The following SYT10 variants were observed in gnomAD, a reference collection of about 807,000 sequenced individuals.
SYT10 encodes the protein synaptotagmin-10.
A neutral mutation model predicts 51.1 loss-of-function variants in SYT10; 31 were observed. The observed-to-expected ratio is 0.61, with a 90% confidence interval of 0.46 to 0.82. The LOEUF is 0.82. SYT10 is among the 40% of genes least tolerant of loss of function. The pLI is 0.00. For synonymous variants in SYT10, 233 were observed against 225.9 expected, an observed-to-expected ratio of 1.03 and a Z score of -0.28; for missense variants, 603 against 634.0, an observed-to-expected ratio of 0.95 and a Z score of 0.53.
chr12:33,400,909 C>A (rs1350935543), intron 3 of SYT10, among the ~76,000 whole-genome samples: 1 of 151,756 alleles, frequency 6.6e-6, no homozygotes, highest in Non-Finnish European at 1.5e-5. Flanking sequence ...GCTGTAATAC[C>A]AGCTAATTCA....
intron 2 of SYT10, among the ~76,000 whole-genome samples, chr12:33,418,673 C>A (rs1866475507): frequency 6.6e-6 from 1 of 152,240 alleles, no homozygotes; most frequent in Non-Finnish European, 1.5e-5. Flanking sequence ...CACTCACATG[C>A]CCCAGCTCAT....
intron 3 of SYT10, among the ~76,000 whole-genome samples, chr12:33,386,847 A>T (rs1866160650): frequency 6.6e-6 from 1 of 152,180 alleles, no homozygotes; most frequent in African/African-American, 2.4e-5. Flanking sequence ...TGAATACATT[A>T]TTTAATTAAT....
At chr12:33,429,371 A>G (rs1216407406) in intron 1 of SYT10, among the ~76,000 whole-genome samples, 1 of 152,230 alleles carries the variant, frequency 6.6e-6, no homozygotes, top group African/African-American at 2.4e-5. Flanking sequence ...GGGATATTTG[A>G]AGAGCATGAG....
chr12:33,376,088 G>A lies in SYT10; in HGVS notation c.*742C>T, dbSNP rs1866059284. On this transcript the variant is annotated 3_prime_UTR_variant, in exon 7 of 7. Coordinates refer to ENST00000228567, the MANE Select transcript of SYT10 (RefSeq NM_198992.4). ...GAATTTTAAAAATATCAGTTGAACA[G>A]TGCAACAGATATTTGAGCTAATGTT... 1 of 152,182 alleles carries A rather than the reference G, an allele frequency of 6.6e-6. No individual in the cohort carries two copies. Among genetic ancestry groups the A allele is most frequent in the Non-Finnish European group, 1.5e-5 (1 of 68,020 alleles). The allele number at this position is 152,182 out of a possible 1,614,324, so 9.4% of individuals were successfully genotyped here. A position where few individuals can be genotyped will look rare whatever the true frequency, so the allele number is the denominator to read the frequency against.
chr12:33,416,214 G>A (rs1346009732), intron 2 of SYT10, among the ~76,000 whole-genome samples: 2 of 152,066 alleles, frequency 1.3e-5, no homozygotes, highest in South Asian at 2.1e-4. Context: ...CCGAGTAGCT[G>A]GGATAACAGG....
At chr12:33,432,979 T>C (rs1866609117) in intron 1 of SYT10, 1 of 152,164 alleles carries the variant, frequency 6.6e-6, no homozygotes, top group African/African-American at 2.4e-5. Flanking sequence ...TAAGAGCTTC[T>C]ACTTTTTTTC....
chr12:33,426,509 A>T lies in SYT10; in HGVS notation c.152-14T>A. 1 of 1,529,918 alleles carries T rather than the reference A, an allele frequency of 6.5e-7. No individual in the cohort carries two copies. Among genetic ancestry groups the T allele is most frequent in the Non-Finnish European group, 8.8e-7 (1 of 1,139,410 alleles). The allele number at this position is 1,529,918 out of a possible 1,614,324, so 94.8% of individuals were successfully genotyped here. A position where few individuals can be genotyped will look rare whatever the true frequency, so the allele number is the denominator to read the frequency against. ...TGACTGAAATATCTGGAAAAATTACAATGTAAAAATGATTAATTAATATTG... is the reference window on the plus strand; with the variant it reads ...TGACTGAAATATCTGGAAAAATTACTATGTAAAAATGATTAATTAATATTG... On this transcript the variant is annotated splice_polypyrimidine_tract_variant and intron_variant, in intron 1 of 6. Transcript: ENST00000228567.
intron 3 of SYT10, among the ~76,000 whole-genome samples, chr12:33,401,337 T>C (rs931035589): frequency 2.0e-5 from 3 of 152,216 alleles, no homozygotes; most frequent in African/African-American, 4.8e-5. Context: ...GATTATTCCC[T>C]ATGCTGGAGA....
intron 2 of SYT10, chr12:33,408,062 G>A (rs1024201956): frequency 2.6e-5 from 4 of 152,204 alleles, no homozygotes; most frequent in African/African-American, 9.7e-5. Flanking sequence ...CTATCTAGAT[G>A]TAAGTATTAT....
chr12:33,439,724 C>G lies in SYT10; in HGVS notation c.-202G>C, dbSNP rs980629312. On this transcript the variant is annotated 5_prime_UTR_variant, in exon 1 of 7. Coordinates refer to ENST00000228567, the MANE Select transcript of SYT10 (RefSeq NM_198992.4). ...GCGGAGGGCGTAGGGGAAGGAGAGGCGCGCGAGGAGGCTGCGGCTGCCGCG... is the reference window on the plus strand; with the variant it reads ...GCGGAGGGCGTAGGGGAAGGAGAGGGGCGCGAGGAGGCTGCGGCTGCCGCG... 3 of 583,254 alleles carry G rather than the reference C, an allele frequency of 5.1e-6. No homozygotes were observed. Among genetic ancestry groups the G allele is most frequent in the South Asian group, 2.5e-5 (1 of 40,000 alleles). 36.1% of individuals were successfully genotyped at this position (583,254 alleles called of 1,614,324 possible).
chr12:33,433,883 T>G (rs1184878813), intron 1 of SYT10, among the ~76,000 whole-genome samples: 1 of 152,210 alleles, frequency 6.6e-6, no homozygotes, highest in Non-Finnish European at 1.5e-5. Context: ...CTACTCTTTG[T>G]TAAACCTAGG....
In SYT10 at chr12:33,392,939, G is replaced by T. The variant is rs1866221494; in HGVS notation, c.1078-7648C>A. Reference sequence around the variant, plus strand: ...CCATTTTCAGTTCCCTTCCAAATGGGAAATAACTACTAGTTTGGTGCAAAA... The same window carrying T: ...CCATTTTCAGTTCCCTTCCAAATGGTAAATAACTACTAGTTTGGTGCAAAA... On this transcript the variant is annotated intron_variant, in intron 3 of 6. Transcript: ENST00000228567. 4.4e-5 allele frequency among the ~76,000 whole-genome samples: 5 copies of T among 114,910 alleles called. No homozygotes were observed. The South Asian group carries it at 1.5e-3, about 34-fold the overall frequency. 75.4% of individuals were successfully genotyped at this position (114,910 alleles called of 152,430 possible). A position where few individuals can be genotyped will look rare whatever the true frequency, so the allele number is the denominator to read the frequency against.
chr12:33,378,506 G>C (rs1383316809), intron 6 of SYT10, among the ~76,000 whole-genome samples: 1 of 152,160 alleles, frequency 6.6e-6, no homozygotes, highest in African/African-American at 2.4e-5. Flanking sequence ...TGGAGACGTA[G>C]TGAACAGGCT....
At chr12:33,381,389 T>A (rs1182811594) in intron 5 of SYT10, among the ~76,000 whole-genome samples, 1 of 152,210 alleles carries the variant, frequency 6.6e-6, no homozygotes, top group Admixed American at 6.5e-5. Context: ...CGTGTGTTTG[T>A]GCGTTTTAGA....
In SYT10 at chr12:33,375,837, A is replaced by G. The variant is rs140119098; in HGVS notation, c.*993T>C. ...GGTTTAAGAGTCACCATTACTGTGTACAATCTAAACGGTGATGAACACAGA... is the reference window on the plus strand; with the variant it reads ...GGTTTAAGAGTCACCATTACTGTGTGCAATCTAAACGGTGATGAACACAGA... On this transcript the variant is annotated 3_prime_UTR_variant, in exon 7 of 7. Coordinates refer to ENST00000228567, the MANE Select transcript of SYT10 (RefSeq NM_198992.4). The G allele has an allele frequency of 4.3e-4, 65 of 152,750 alleles. No homozygotes were observed. The highest frequency in any genetic ancestry group is 1.5e-3 in the African/African-American group (63 of 41,588). The allele number at this position is 152,750 out of a possible 1,614,324, so 9.5% of individuals were successfully genotyped here.
chr12:33,406,164 G>A (rs1866351261), intron 3 of SYT10, among the ~76,000 whole-genome samples: 1 of 151,950 alleles, frequency 6.6e-6, no homozygotes, highest in South Asian at 2.1e-4. Context: ...TAAATTTTCA[G>A]TACTAAAGTT....
chr12:33,400,934 G>C (rs1866298823), intron 3 of SYT10, among the ~76,000 whole-genome samples: 1 of 151,770 alleles, frequency 6.6e-6, no homozygotes, highest in African/African-American at 2.4e-5. Context: ...GCTGAGGCGG[G>C]AGAATTGCTA....
At chr12:33,400,100 T>A (rs1866289922) in intron 3 of SYT10, among the ~76,000 whole-genome samples, 2 of 152,312 alleles carry the variant, frequency 1.3e-5, no homozygotes, top group South Asian at 4.1e-4. Flanking sequence ...CCACTTTCCA[T>A]CATACTCTTT....
At chr12:33,401,530 TTTA>T (rs1425122480) in intron 3 of SYT10, among the ~76,000 whole-genome samples, 4 of 152,182 alleles carry the variant, frequency 2.6e-5, no homozygotes, top group African/African-American at 7.2e-5. Context: ...TCATATATAA[TTTA>T]TTATTAATGA....
Sources: allele counts gnomAD v4.1 joint callset (sites outside exome capture counted in the v4.1 genomes callset), GRCh38; gene constraint gnomAD v4.1.1; transcripts MANE v1.5; gene names NCBI Gene and HGNC (gene_info 2026-07-23, HGNC 2026-07-21).